LRRC37B: variants seen among roughly 807,000 people sequenced by gnomAD.
The protein encoded by LRRC37B is leucine rich repeat containing 37B, also known as leucine-rich repeat-containing protein 37B.
LRRC37B carries 28 observed loss-of-function variants against 98.3 expected under a neutral mutation model. The observed-to-expected ratio is 0.28, with a 90% confidence interval of 0.21 to 0.39. LRRC37B has a LOEUF of 0.39. Among genes scored for constraint, LRRC37B ranks in the 10% least tolerant of loss-of-function variants. LRRC37B has a pLI of 1.00. For missense variants in LRRC37B, 938 were observed against 1,182.7 expected, an observed-to-expected ratio of 0.79 and a Z score of 3.03; for synonymous variants, 364 against 442.7, an observed-to-expected ratio of 0.82 and a Z score of 2.23.
chr17:32,043,168 A>C (rs502331), intron 7 of LRRC37B, among the ~76,000 whole-genome samples: 5 of 152,366 alleles, frequency 3.3e-5, no homozygotes, highest in Non-Finnish European at 7.3e-5. Flanking sequence ...ATTCCAGATG[A>C]AAGTTATACA....
chr17:32,040,864 G>T (rs992188550), intron 7 of LRRC37B: 6 of 838,772 alleles, frequency 7.2e-6, no homozygotes, highest in African/African-American at 1.7e-5. Context: ...CAGAACCTGT[G>T]TGAGAAAGAC....
chr17:32,031,411 C>T lies in LRRC37B; in HGVS notation c.2010C>T (p.Ser670=), dbSNP rs148845002. The T allele has an allele frequency of 1.2e-3, 1,977 of 1,610,442 alleles. 3 individuals carry two copies. Among genetic ancestry groups the T allele is most frequent in the Middle Eastern group, 3.4e-3 (15 of 4,426 alleles). ...GCTGCAATTTAATTACAAAACTGAG[C>T]CTTGGAACATTTCAGGCCTGGCACG... is the stretch of plus-strand genomic sequence containing the variant. The change falls in exon 5 of 12, where the codon AGC becomes AGT. Residue 670 remains serine, a synonymous_variant. Transcript: ENST00000327564.
In LRRC37B at chr17:32,011,331, T is replaced by G. The variant is rs1170467691; in HGVS notation, c.-191+3199T>G. Among the ~76,000 whole-genome samples the G allele has an allele frequency of 8.6e-5, 13 of 151,916 alleles. No individual in the cohort carries two copies. The East Asian group carries it at 2.5e-3, about 29-fold the overall frequency. On this transcript the variant is annotated intron_variant, in intron 1 of 14. Coordinates refer to the LRRC37B transcript ENST00000543378. ...TTTTTAATGGCTGAATAATATCCTA[T>G]CGTGCATATATACCTCATTTTCTTT...
intron 7 of LRRC37B, among the ~76,000 whole-genome samples, chr17:32,043,328 A>G (rs1309983533): frequency 3.3e-5 from 5 of 152,224 alleles, no homozygotes; most frequent in Non-Finnish European, 7.3e-5. Context: ...TGGGAGGCCA[A>G]GGAGAGGGGG....
chr17:32,039,479 AATATATAT>A (rs1185838390), intron 7 of LRRC37B, among the ~76,000 whole-genome samples: 6 of 38,854 alleles, frequency 1.5e-4, no homozygotes, highest in Non-Finnish European at 2.7e-4. Context: ...CCTGCCTAAA[AATATATAT>A]ATATATATAT....
At chr17:32,053,343 A>C in exon 12 of LRRC37B, 1 of 1,591,858 alleles carries the variant, frequency 6.3e-7, no homozygotes, top group South Asian at 1.1e-5. Flanking sequence ...GAGTTAAAGC[A>C]TGTGGATGGC....
At chr17:32,019,506 T>C (rs1337599094), upstream of LRRC37B, among the ~76,000 whole-genome samples, 1 of 152,226 alleles carries the variant, frequency 6.6e-6, no homozygotes, top group Non-Finnish European at 1.5e-5. Flanking sequence ...ATGAAAGCTC[T>C]TAAATAGGGA....
At chr17:32,048,525 T>C (rs7219937) in intron 9 of LRRC37B, among the ~76,000 whole-genome samples, 10,515 of 150,186 alleles carry the variant, frequency 0.07, 1,152 homozygotes, top group African/African-American at 0.23. Flanking sequence ...CTACCTCAGG[T>C]CAGAGACAGA....
intron 5 of LRRC37B, among the ~76,000 whole-genome samples, chr17:32,034,504 C>CAAA (rs35735718): frequency 5.3e-4 from 23 of 43,764 alleles, no homozygotes; most frequent in African/African-American, 7.8e-4. Flanking sequence ...ACTCCATCTC[C>CAAA]AAAAAAAAAA....
chr17:32,025,017 CT>C (rs995777918), intron 2 of LRRC37B, among the ~76,000 whole-genome samples: 2 of 80,910 alleles, frequency 2.5e-5, no homozygotes, highest in Non-Finnish European at 5.3e-5. Flanking sequence ...TGGTTATATT[CT>C]TTTTTTTCCT....
chr17:32,050,073 T>C (rs1290542919), exon 11 of LRRC37B: 19 of 1,578,470 alleles, frequency 1.2e-5, no homozygotes, highest in African/African-American at 2.7e-5. Flanking sequence ...ACTGTAATAC[T>C]AATAATTTTG....
intron 2 of LRRC37B, among the ~76,000 whole-genome samples, chr17:32,027,278 T>C (rs1015542930): frequency 6.6e-6 from 1 of 152,168 alleles, no homozygotes; most frequent in Non-Finnish European, 1.5e-5. Context: ...AGAGGAGTCA[T>C]TAAAGATACA....
intron 7 of LRRC37B, chr17:32,040,979 G>A (rs371148759): frequency 5.4e-5 from 46 of 852,884 alleles, no homozygotes; most frequent in Non-Finnish European, 8.0e-5. Context: ...TGCGTCAGGC[G>A]CTGGAGAAGT....
exon 3 of LRRC37B, chr17:32,027,799 A>G: frequency 1.9e-6 from 3 of 1,607,548 alleles, no homozygotes; most frequent in Non-Finnish European, 2.5e-6. Context: ...TGACTGAATT[A>G]CCTAAGGATT....
At chr17:32,018,584 G>T (rs954616593), upstream of LRRC37B, among the ~76,000 whole-genome samples, 3 of 152,138 alleles carry the variant, frequency 2.0e-5, no homozygotes, top group Admixed American at 2.0e-4. Flanking sequence ...AGAGGGGTTA[G>T]TCTCCCCCGG....
chr17:32,027,578 T>TGTG (rs1202284366), intron 2 of LRRC37B, among the ~76,000 whole-genome samples, 191 bp from the exon 6 acceptor site: 2 of 151,714 alleles, frequency 1.3e-5, no homozygotes, highest in African/African-American at 4.8e-5. Context: ...CCTGTGTGTG[T>TGTG]GTGGTGGTGG....
intron 7 of LRRC37B, chr17:32,042,244 T>C (rs530894495): frequency 2.0e-3 from 366 of 186,884 alleles, no homozygotes; most frequent in Admixed American, 2.5e-3. Context: ...TCCCAAGCCT[T>C]ACCCTCACAC....
chr17:32,022,852 C>T (rs749860432), intron 1 of LRRC37B, 27 bp downstream of exon 4: 5 of 1,603,000 alleles, frequency 3.1e-6, no homozygotes, highest in East Asian at 2.2e-5. Context: ...CTCAATCATC[C>T]TCTGTGTCTT....
intron 5 of LRRC37B, among the ~76,000 whole-genome samples, chr17:32,032,121 AGCAGGTCGTGGTG>A (rs1319712584): frequency 1.3e-5 from 2 of 152,120 alleles, no homozygotes; most frequent in African/African-American, 4.8e-5. Flanking sequence ...TACAAAAATT[AGCAGGTCGTGGTG>A]GCAGGCGCCT....
Sources: allele counts gnomAD v4.1 joint callset (sites outside exome capture counted in the v4.1 genomes callset), GRCh38; gene constraint gnomAD v4.1.1; transcripts MANE v1.5; gene names NCBI Gene and HGNC (gene_info 2026-07-23, HGNC 2026-07-21).